The following SLX4IP variants were observed in gnomAD, a reference collection of about 807,000 sequenced individuals.
The protein encoded by SLX4IP is protein SLX4IP.
In SLX4IP, 34 loss-of-function variants were observed where a neutral mutation model predicts 32.9. That is an observed-to-expected ratio of 1.03 (90% CI 0.79 to 1.38). SLX4IP has a LOEUF of 1.38. Ranked by LOEUF, SLX4IP falls within the 40% of genes most tolerant of loss-of-function variation. The pLI, the probability that SLX4IP is intolerant of heterozygous loss-of-function variation, is 0.00. For missense variants in SLX4IP, 444 were observed against 479.0 expected (o/e 0.93, Z 0.68); for synonymous variants, 172 against 171.7 (o/e 1.00, Z -0.01).
chr20:10,550,335 A>G (rs902818099), intron 2 of SLX4IP, among the ~76,000 whole-genome samples: 4 of 152,100 alleles, frequency 2.6e-5, no homozygotes, highest in Non-Finnish European at 5.9e-5. Flanking sequence ...GTGGCTTCTC[A>G]GCGACAGACC....
At chr20:10,561,700 T>C (rs2066334472) in intron 4 of SLX4IP, among the ~76,000 whole-genome samples, 1 of 152,170 alleles carries the variant, frequency 6.6e-6, no homozygotes, top group Non-Finnish European at 1.5e-5. Context: ...CAAAGTCTAT[T>C]GTGCCATTCT....
At chr20:10,443,642 T>A (rs577556863) in intron 1 of SLX4IP, among the ~76,000 whole-genome samples, 2 of 152,292 alleles carry the variant, frequency 1.3e-5, no homozygotes, top group African/African-American at 4.8e-5. Context: ...AGGTGTGAAG[T>A]TGCCTGTGCC....
At chr20:10,577,355 A>G (rs2066534435) in intron 4 of SLX4IP, among the ~76,000 whole-genome samples, 1 of 152,140 alleles carries the variant, frequency 6.6e-6, no homozygotes, top group African/African-American at 2.4e-5. Flanking sequence ...AGCTTTTTAT[A>G]AAAGTGAAAA....
At chr20:10,499,457 G>C (rs2122410902) in intron 2 of SLX4IP, among the ~76,000 whole-genome samples, 1 of 152,200 alleles carries the variant, frequency 6.6e-6, no homozygotes, top group African/African-American at 2.4e-5. Context: ...AAACATATTG[G>C]TTGTAAATCA....
intron 2 of SLX4IP, among the ~76,000 whole-genome samples, chr20:10,546,119 C>T (rs755876169): frequency 1.2e-4 from 18 of 152,292 alleles, no homozygotes; most frequent in Non-Finnish European, 2.5e-4. Flanking sequence ...ACTCCTGTTT[C>T]AGATTATAGA....
intron 2 of SLX4IP, among the ~76,000 whole-genome samples, chr20:10,508,198 C>T (rs2065775923): frequency 1.3e-5 from 2 of 152,158 alleles, no homozygotes; most frequent in African/African-American, 4.8e-5. Flanking sequence ...AGTGTGTGTG[C>T]CCACAGCCCT....
rs1428625323 is a variant in SLX4IP at position 10,627,207 on chromosome 20, T to C, written c.*3828T>C. 1 of 152,254 alleles carries C rather than the reference T, an allele frequency of 6.6e-6. No individual in the cohort carries two copies. Among genetic ancestry groups the C allele is most frequent in the East Asian group, 1.9e-4 (1 of 5,198 alleles). 9.4% of individuals were successfully genotyped at this position (152,254 alleles called of 1,614,324 possible). A position where few individuals can be genotyped will look rare whatever the true frequency, so the allele number is the denominator to read the frequency against. The stretch of plus-strand genomic sequence containing the variant: ...AGTTCTCTTTTCAGCGTGCTGTGAC[T>C]TGAATATGGAAATCATTTTAATTTC... On this transcript the variant is annotated 3_prime_UTR_variant, in exon 8 of 8. Coordinates refer to ENST00000334534, the MANE Select transcript of SLX4IP (RefSeq NM_001009608.3).
chr20:10,518,438 T>TCTTC lies in SLX4IP; in HGVS notation c.28-37769_28-37766dup, dbSNP rs796333618. Among the ~76,000 whole-genome samples the TCTTC allele has an allele frequency of 2.1e-3, 143 of 67,764 alleles. 5 individuals carry two copies. The highest frequency in any genetic ancestry group is 7.0e-3 in the East Asian group (17 of 2,418). 44.5% of individuals were successfully genotyped at this position (67,764 alleles called of 152,430 possible). ...TTCCTTCCTTCCCTCCCTCCCTCCT[T>TCTTC]CTTCCTTCCTTCCTTCCTTCCTTCC... is the stretch of plus-strand genomic sequence containing the variant. On this transcript the variant is annotated intron_variant, in intron 2 of 7. Transcript: ENST00000334534.
rs2067149051 is a variant in SLX4IP, at chr20:10,624,265, C to T, written c.*886C>T. ...CTGTAGCTCAAGCATGTCCCAGTCC[C>T]TGCTCTTGCACCCACCTCCAGGATT... On this transcript the variant is annotated 3_prime_UTR_variant, in exon 8 of 8. Coordinates refer to ENST00000334534, the MANE Select transcript of SLX4IP (RefSeq NM_001009608.3). 1 of 152,260 alleles carries T rather than the reference C, an allele frequency of 6.6e-6. No individual in the cohort carries two copies. The allele number at this position is 152,260 out of a possible 1,614,324, so 9.4% of individuals were successfully genotyped here.
At chr20:10,585,157 A>G (rs751017722) in intron 4 of SLX4IP, among the ~76,000 whole-genome samples, 1 of 152,042 alleles carries the variant, frequency 6.6e-6, no homozygotes, top group Non-Finnish European at 1.5e-5. Flanking sequence ...CCCAGAACAG[A>G]TGTTTGTGTT....
rs778558434 is a variant in SLX4IP, at chr20:10,623,039, G to A, written c.887G>A (p.Arg296His). The part of the protein sequence containing the change: ...SPRVAKTQQK[R>H]RNCSSAEDFD... ...CGAGTGGCCAAAACCCAACAGAAAC[G>A]CAGGAACTGCAGCTCTGCGGAAGAC... The change falls in exon 8 of 8, where the codon CGC (arginine) becomes CAC (histidine). Residue 296 changes from arginine to histidine, a missense_variant. Coordinates refer to ENST00000334534, the MANE Select transcript of SLX4IP (RefSeq NM_001009608.3). The A allele has an allele frequency of 5.0e-6, 8 of 1,614,130 alleles. No individual in the cohort carries two copies. The highest frequency in any genetic ancestry group is 4.5e-5 in the East Asian group (2 of 44,878).
intron 1 of SLX4IP, 86 bp from the exon 2 acceptor site, chr20:10,458,090 A>G: frequency 1.3e-6 from 1 of 759,816 alleles, no homozygotes. Flanking sequence ...TTGATATTTT[A>G]CTATTCAGCC....
intron 4 of SLX4IP, among the ~76,000 whole-genome samples, chr20:10,583,355 C>G (rs1039572896): frequency 1.6e-4 from 25 of 152,164 alleles, no homozygotes; most frequent in Non-Finnish European, 1.5e-5. Flanking sequence ...TTGAGTTGTT[C>G]TATTCAGGGT....
chr20:10,442,406 A>T (rs959829817), intron 1 of SLX4IP, among the ~76,000 whole-genome samples: 17 of 152,186 alleles, frequency 1.1e-4, no homozygotes, highest in South Asian at 2.1e-4. Flanking sequence ...ACATGTAATC[A>T]TATTTTTGGT....
At chr20:10,611,626 G>A (rs952896554) in intron 6 of SLX4IP, among the ~76,000 whole-genome samples, 7 of 152,312 alleles carry the variant, frequency 4.6e-5, no homozygotes, top group Admixed American at 4.6e-4. Flanking sequence ...TGAGCCACAG[G>A]CCAGTTTCTG....
intron 4 of SLX4IP, among the ~76,000 whole-genome samples, chr20:10,573,464 G>A (rs1354374825): frequency 6.6e-6 from 1 of 152,164 alleles, no homozygotes; most frequent in East Asian, 1.9e-4. Flanking sequence ...TTTTTTATGT[G>A]AGTCAGTTAT....
chr20:10,602,912 A>G (rs894437805), intron 6 of SLX4IP, among the ~76,000 whole-genome samples: 2 of 152,228 alleles, frequency 1.3e-5, no homozygotes, highest in Non-Finnish European at 2.9e-5. Context: ...TTTGGTGCAG[A>G]GGAACCCTTT....
intron 2 of SLX4IP, among the ~76,000 whole-genome samples, chr20:10,514,925 C>T (rs1380559712): frequency 1.3e-5 from 2 of 152,144 alleles, no homozygotes; most frequent in Non-Finnish European, 2.9e-5. Flanking sequence ...CTTTGGAACA[C>T]AGGACTCTCT....
chr20:10,621,219 A>T, intron 6 of SLX4IP, 95 bp from the exon 7 acceptor site: 1 of 1,113,056 alleles, frequency 9.0e-7, no homozygotes, highest in Non-Finnish European at 1.4e-6. Flanking sequence ...CTTTACAAAA[A>T]TAAATGTGTT....
Sources: allele counts gnomAD v4.1 joint callset (sites outside exome capture counted in the v4.1 genomes callset), GRCh38; gene constraint gnomAD v4.1.1; transcripts MANE v1.5; gene names NCBI Gene and HGNC (gene_info 2026-07-23, HGNC 2026-07-21).